NMBR: variants seen among roughly 807,000 people sequenced by gnomAD.
The protein encoded by NMBR is neuromedin-B receptor.
In NMBR, 16 loss-of-function variants were observed where a neutral mutation model predicts 20.5. The observed-to-expected ratio is 0.78, with a 90% CI of 0.53 to 1.19. The LOEUF is 1.19. NMBR is among the 50% of genes most tolerant of loss of function. The pLI is 0.00. For synonymous variants in NMBR, 212 were observed against 196.6 expected, an observed-to-expected ratio of 1.08 and a Z score of -0.65; for missense variants, 582 against 499.1, an observed-to-expected ratio of 1.17 and a Z score of -1.58.
At chr6:142,105,825 T>C (rs1777653429) in intron 1 of NMBR, among the ~76,000 whole-genome samples, 1 of 152,202 alleles carries the variant, frequency 6.6e-6, no homozygotes, top group South Asian at 2.1e-4. Context: ...AAAAACATTT[T>C]ATAATTTTTT....
intron 1 of NMBR, among the ~76,000 whole-genome samples, chr6:142,126,555 CT>C (rs2114602695): frequency 6.6e-6 from 1 of 151,958 alleles, no homozygotes; most frequent in Non-Finnish European, 1.5e-5. Flanking sequence ...TCCCTTTTCT[CT>C]ACATCTTACC....
chr6:142,147,033 C>T lies in NMBR; in HGVS notation c.-664+11G>A, dbSNP rs2232293. Reference sequence around the variant, plus strand: ...AAAAAAGCAAAACAAAACAAAAACCCTTCCTCCTACCAGCAGAGAGCGCTA... The same window carrying T: ...AAAAAAGCAAAACAAAACAAAAACCTTTCCTCCTACCAGCAGAGAGCGCTA... On this transcript the variant is annotated intron_variant, in intron 1 of 3. Transcript: ENST00000258042. 2.8e-3 allele frequency: 1,330 copies of T among 477,014 alleles called. 17 individuals carry two copies. Among genetic ancestry groups the T allele is most frequent in the African/African-American group, 0.023 (1,212 of 52,462 alleles). 29.5% of individuals were successfully genotyped at this position (477,014 alleles called of 1,614,324 possible). A position where few individuals can be genotyped will look rare whatever the true frequency, so the allele number is the denominator to read the frequency against.
At chr6:142,097,897 C>G (rs1174321517) in intron 1 of NMBR, among the ~76,000 whole-genome samples, 1 of 151,514 alleles carries the variant, frequency 6.6e-6, no homozygotes, top group African/African-American at 2.4e-5. Flanking sequence ...AGAAAAAAGT[C>G]ATAAAAATAA....
intron 1 of NMBR, among the ~76,000 whole-genome samples, chr6:142,108,276 A>G (rs758536927): frequency 6.6e-6 from 1 of 152,330 alleles, no homozygotes; most frequent in South Asian, 2.1e-4. Flanking sequence ...CTACACTTAG[A>G]CATATCAAAG....
Position 142,094,880 on chromosome 6 carries a change from C to T in NMBR, c.-663-5559G>A, listed in dbSNP as rs369653362. ...AGAGGTCCTTCACGTCCCTTGTAAG[C>T]TGGATTCCTAGGTATTTTATTCTCT... On this transcript the variant is annotated intron_variant, in intron 1 of 3. Transcript: ENST00000258042. Among the ~76,000 whole-genome samples the T allele has an allele frequency of 3.2e-4, 49 of 152,130 alleles. No individual in the cohort carries two copies. In the East Asian group the frequency reaches 6.0e-3, roughly 19 times the overall value.
chr6:142,107,531 C>T (rs1005899878), intron 1 of NMBR, among the ~76,000 whole-genome samples: 2 of 152,092 alleles, frequency 1.3e-5, no homozygotes, highest in Non-Finnish European at 2.9e-5. Flanking sequence ...TGAGTAGTGA[C>T]ATCAGAGGTT....
In NMBR at chr6:142,075,802, C is replaced by T. The variant is rs199835105; in HGVS notation, c.1019G>A (p.Cys340Tyr). 1.3e-5 allele frequency: 21 copies of T among 1,613,940 alleles called. No homozygotes were observed. The highest frequency in any genetic ancestry group is 1.4e-5 in the Non-Finnish European group (17 of 1,179,982). The change falls in exon 4 of 4, where the codon TGC (cysteine) becomes TAC (tyrosine). Residue 340 changes from cysteine to tyrosine, a missense_variant. Physicochemically the swap from Cys to Tyr is radical, Grantham distance 194. Transcript: ENST00000258042. ...CTCTTGATAGGACTTCCTCCCACAGCAGAGTTGGCTGTTGAAATGCCTCCT... is the reference window on the plus strand; with the variant it reads ...CTCTTGATAGGACTTCCTCCCACAGTAGAGTTGGCTGTTGAAATGCCTCCT... ...SFRRHFNSQLCCGRKSYQERG... is the reference protein window; with the variant it reads ...SFRRHFNSQLYCGRKSYQERG...
intron 1 of NMBR, among the ~76,000 whole-genome samples, chr6:142,142,287 C>A (rs1778373332): frequency 6.6e-6 from 1 of 152,230 alleles, no homozygotes; most frequent in South Asian, 2.1e-4. Flanking sequence ...ACTCCAAAAT[C>A]TTTTTTAGGA....
intron 1 of NMBR, among the ~76,000 whole-genome samples, chr6:142,115,772 A>G (rs1281486501): frequency 1.3e-5 from 2 of 152,076 alleles, no homozygotes; most frequent in African/African-American, 2.4e-5. Context: ...TTTAAACACT[A>G]AAATGTTTTG....
chr6:142,108,619 G>A (rs963425403), intron 1 of NMBR, among the ~76,000 whole-genome samples: 8 of 152,074 alleles, frequency 5.3e-5, no homozygotes, highest in Non-Finnish European at 1.2e-4. Context: ...AGAACAGCAT[G>A]GAGGTAACCG....
intron 1 of NMBR, among the ~76,000 whole-genome samples, chr6:142,130,343 A>C (rs1222576480): frequency 6.6e-6 from 1 of 152,050 alleles, no homozygotes; most frequent in East Asian, 1.9e-4. Context: ...CCTAGCCATA[A>C]AACTTTCTAA....
At chr6:142,094,441 G>C (rs1487404673) in intron 1 of NMBR, among the ~76,000 whole-genome samples, 1 of 152,078 alleles carries the variant, frequency 6.6e-6, no homozygotes, top group East Asian at 1.9e-4. Flanking sequence ...TGTCAGGTTT[G>C]TCAAAGATCA....
Position 142,078,715 on chromosome 6 carries a change from G to A in NMBR, c.611C>T (p.Thr204Ile). ...ATGAATCTTTGGATGTAATTCATCT[G>A]TTTGAGGGTATGGGATACATGCTGT... is the stretch of plus-strand genomic sequence containing the variant. Reference protein sequence around the residue: ...SFTACIPYPQTDELHPKIHSV... With the variant: ...SFTACIPYPQIDELHPKIHSV... The change falls in exon 3 of 4, where the codon ACA becomes ATA. Residue 204 changes from threonine to isoleucine, a missense_variant. Physicochemically the swap from Thr to Ile is moderately conservative, Grantham distance 89 (BLOSUM62 -1). Transcript: ENST00000258042. The A allele has an allele frequency of 6.2e-7, 1 of 1,614,102 alleles. No homozygotes were observed. Among genetic ancestry groups the A allele is most frequent in the Non-Finnish European group, 8.5e-7 (1 of 1,180,006 alleles).
intron 1 of NMBR, among the ~76,000 whole-genome samples, chr6:142,126,757 A>ATTTT (rs34631481): frequency 4.2e-3 from 216 of 51,300 alleles, no homozygotes; most frequent in Middle Eastern, 0.019. Flanking sequence ...TATTTGAGGG[A>ATTTT]TTTTTTTTTT....
intron 1 of NMBR, among the ~76,000 whole-genome samples, chr6:142,109,623 A>G (rs1777724002): frequency 1.3e-5 from 2 of 152,050 alleles, no homozygotes; most frequent in African/African-American, 4.8e-5. Context: ...CATCATGGAA[A>G]TGCAAATCAA....
chr6:142,099,877 T>C (rs922063902), intron 1 of NMBR, among the ~76,000 whole-genome samples: 1 of 151,802 alleles, frequency 6.6e-6, no homozygotes, highest in African/African-American at 2.4e-5. Flanking sequence ...AGTAAAAAAA[T>C]AAAAAATCCA....
intron 2 of NMBR, among the ~76,000 whole-genome samples, chr6:142,087,982 GATGCAATTTTAA>G (rs1189623544): frequency 6.6e-6 from 1 of 152,118 alleles, no homozygotes; most frequent in Non-Finnish European, 1.5e-5. Flanking sequence ...GGGACTAGGA[GATGCAATTTTAA>G]ATGCAATTTT....
intron 2 of NMBR, among the ~76,000 whole-genome samples, chr6:142,082,162 T>C (rs1407852667): frequency 1.3e-5 from 2 of 152,216 alleles, no homozygotes; most frequent in African/African-American, 4.8e-5. Flanking sequence ...TTTCTTTCTT[T>C]CTTTTTTTCT....
At chr6:142,113,365 C>T (rs1351460924) in intron 1 of NMBR, among the ~76,000 whole-genome samples, 1 of 152,082 alleles carries the variant, frequency 6.6e-6, no homozygotes, top group African/African-American at 2.4e-5. Context: ...ATTCAAACTT[C>T]TGGTTTTGCT....
Sources: allele counts gnomAD v4.1 joint callset (sites outside exome capture counted in the v4.1 genomes callset), GRCh38; gene constraint gnomAD v4.1.1; transcripts MANE v1.5; gene names NCBI Gene and HGNC (gene_info 2026-07-23, HGNC 2026-07-21).